The following EIF2B3 variants were observed in gnomAD, a reference collection of about 807,000 sequenced individuals.
The protein encoded by EIF2B3 is eukaryotic translation initiation factor 2B subunit gamma, also known as translation initiation factor eIF2B subunit gamma.
A neutral mutation model predicts 54.1 loss-of-function variants in EIF2B3; 20 were observed. The ratio of observed to expected loss-of-function variants is 0.37; its 90% confidence interval spans 0.26 to 0.54. The LOEUF (loss-of-function observed/expected upper bound fraction) is 0.54, where lower values mean the gene tolerates loss of function less well. EIF2B3 is among the 20% of genes least tolerant of loss of function. The pLI is 0.86. For synonymous variants in EIF2B3, 153 were observed against 188.1 expected (o/e 0.81, Z 1.52); for missense variants, 448 against 547.8 (o/e 0.82, Z 1.82).
intron 3 of EIF2B3, among the ~76,000 whole-genome samples, chr1:44,945,074 T>C (rs1644081938): frequency 6.6e-6 from 1 of 152,132 alleles, no homozygotes; most frequent in African/African-American, 2.4e-5. Context: ...TGCCTGAAAT[T>C]TCTTATTCTG....
At chr1:44,951,693 C>T (rs1644161823) in intron 3 of EIF2B3, among the ~76,000 whole-genome samples, 1 of 152,118 alleles carries the variant, frequency 6.6e-6, no homozygotes, top group African/African-American at 2.4e-5. Context: ...TTCACACTGT[C>T]CAGCAATACA....
chr1:44,884,137 C>A (rs1278323165), intron 6 of EIF2B3, among the ~76,000 whole-genome samples: 1 of 152,190 alleles, frequency 6.6e-6, no homozygotes, highest in East Asian at 1.9e-4. Context: ...CCGCACCTGG[C>A]TGCCAGTGGT....
At chr1:44,911,975 C>A (rs957098089) in intron 5 of EIF2B3, among the ~76,000 whole-genome samples, 10 of 149,544 alleles carry the variant, frequency 6.7e-5, no homozygotes, top group Non-Finnish European at 1.3e-4. Flanking sequence ...TTTGTTCTTG[C>A]GATAGTTTAC....
rs139460206 is a variant in EIF2B3 at position 44,977,132 on chromosome 1, C to T, written c.294+1183G>A. On this transcript the variant is annotated intron_variant, in intron 3 of 11. Coordinates refer to ENST00000360403, the MANE Select transcript of EIF2B3 (RefSeq NM_020365.5). ...GAAATAACAGAAGAAAGTTTGTCTC[C>T]CATTTCAAGTAATATGGCAACATCA... 3.0e-3 allele frequency among the ~76,000 whole-genome samples: 454 copies of T among 152,282 alleles called. 3 individuals carry two copies. Among genetic ancestry groups the T allele is most frequent in the African/African-American group, 0.01 (436 of 41,570 alleles).
chr1:44,875,170 C>T (rs1421600710), intron 9 of EIF2B3, among the ~76,000 whole-genome samples: 1 of 151,990 alleles, frequency 6.6e-6, no homozygotes, highest in Non-Finnish European at 1.5e-5. Context: ...CCAGCCTGGG[C>T]AACAGAGTGA....
intron 1 of EIF2B3, 87 bp from the exon 2 acceptor site, chr1:44,981,264 G>C: frequency 7.3e-7 from 1 of 1,377,280 alleles, no homozygotes; most frequent in Non-Finnish European, 1.0e-6. Context: ...TTTTATTTAG[G>C]TTACTGATAC....
chr1:44,910,086 C>G (rs971698092), intron 5 of EIF2B3, among the ~76,000 whole-genome samples: 1 of 152,128 alleles, frequency 6.6e-6, no homozygotes, highest in African/African-American at 2.4e-5. Flanking sequence ...AGCTTGACAA[C>G]TATTCAAAAG....
intron 10 of EIF2B3, among the ~76,000 whole-genome samples, chr1:44,868,779 G>GC (rs1654868093): frequency 6.6e-6 from 1 of 152,220 alleles, no homozygotes; most frequent in South Asian, 2.1e-4. Context: ...ATGGATGAAG[G>GC]CAAGTGTAGT....
At position 44,881,754 on chromosome 1, in the gene EIF2B3, T is replaced by C. The variant is rs767980083; in HGVS notation, c.657-15A>G. On this transcript the variant is annotated splice_polypyrimidine_tract_variant and intron_variant, in intron 6 of 11. Coordinates refer to ENST00000360403, the MANE Select transcript of EIF2B3 (RefSeq NM_020365.5). The surrounding 1 kb of genome is among the most constrained non-coding windows in gnomAD (Gnocchi z 4.0). ...AAGTTATTGACCTAGAAAGAAAGAATGGCCAAATATGAGAAACCTGACTGT... is the reference window on the plus strand; with the variant it reads ...AAGTTATTGACCTAGAAAGAAAGAACGGCCAAATATGAGAAACCTGACTGT... The C allele has an allele frequency of 6.2e-7, 1 of 1,613,824 alleles. No individual in the cohort carries two copies. Among genetic ancestry groups the C allele is most frequent in the Non-Finnish European group, 8.5e-7 (1 of 1,179,820 alleles).
chr1:44,951,954 A>ATTTTTTTTTTT lies in EIF2B3; in HGVS notation c.295-10300_295-10290dup, dbSNP rs1171020644. On this transcript the variant is annotated intron_variant, in intron 3 of 11. Coordinates refer to ENST00000360403, the MANE Select transcript of EIF2B3 (RefSeq NM_020365.5). ...AGGGGCGCACCACCATGCCTGGCTA[A>ATTTTTTTTTTT]TTTTTTTTTTTTTTTTTTTTTTTTT... Among the ~76,000 whole-genome samples the ATTTTTTTTTTT allele has an allele frequency of 3.9e-3, 175 of 44,646 alleles. 25 individuals are homozygous for ATTTTTTTTTTT. The highest frequency in any genetic ancestry group is 0.017 in the African/African-American group (126 of 7,332). 29.3% of individuals were successfully genotyped at this position (44,646 alleles called of 152,430 possible). A position where few individuals can be genotyped will look rare whatever the true frequency, so the allele number is the denominator to read the frequency against.
rs76048989 is a variant in EIF2B3 at position 44,863,753 on chromosome 1, T to C, written c.1203-5946A>G. On this transcript the variant is annotated intron_variant, in intron 10 of 11. Transcript: ENST00000360403. ...GTATTTTTACTACATTTATTAAACA[T>C]ACAATATTTTTAATGTTTTAGAATT... 4.1e-4 allele frequency among the ~76,000 whole-genome samples: 62 copies of C among 152,340 alleles called. No individual in the cohort carries two copies. In the East Asian group the frequency reaches 0.01, roughly 25 times the overall value.
intron 10 of EIF2B3, among the ~76,000 whole-genome samples, chr1:44,865,606 A>G (rs556664657): frequency 1.4e-5 from 2 of 145,514 alleles, no homozygotes; most frequent in African/African-American, 5.1e-5. Context: ...TCCAAGATGG[A>G]GTTTTGCTCT....
rs12753406 is a variant in EIF2B3, at chr1:44,965,506, C to T, written c.294+12809G>A. Among the ~76,000 whole-genome samples the T allele has an allele frequency of 2.1e-3, 319 of 152,034 alleles. 1 individual carries two copies. The highest frequency in any genetic ancestry group is 2.3e-3 in the Admixed American group (35 of 15,268). ...AGAGTTAGAGTGATTATAAAGACTA[C>T]TAATGCTTAGTGGAGGCAACTAATA... On this transcript the variant is annotated intron_variant, in intron 3 of 11. Coordinates refer to ENST00000360403, the MANE Select transcript of EIF2B3 (RefSeq NM_020365.5).
intron 5 of EIF2B3, among the ~76,000 whole-genome samples, chr1:44,922,880 C>T (rs1171544494): frequency 9.5e-5 from 7 of 73,778 alleles, no homozygotes; most frequent in African/African-American, 3.8e-4. Flanking sequence ...GAGTCTTGCT[C>T]TGTTGCCCAG....
intron 1 of EIF2B3, among the ~76,000 whole-genome samples, chr1:44,986,140 T>TTG (rs760895452): frequency 9.4e-6 from 1 of 106,324 alleles, no homozygotes; most frequent in Non-Finnish European, 2.2e-5. Context: ...TTTCTTTTCT[T>TTG]TTTTTTTTTT....
At chr1:44,962,819 T>G (rs1322182226) in intron 3 of EIF2B3, among the ~76,000 whole-genome samples, 1 of 152,198 alleles carries the variant, frequency 6.6e-6, no homozygotes, top group Non-Finnish European at 1.5e-5. Context: ...CAACAAATAA[T>G]ATTGGACAAA....
At chr1:44,960,475 T>C (rs1644273080) in intron 3 of EIF2B3, among the ~76,000 whole-genome samples, 1 of 151,988 alleles carries the variant, frequency 6.6e-6, no homozygotes, top group African/African-American at 2.4e-5. Context: ...CCGTCTCTAC[T>C]AAAGATACAA....
chr1:44,932,756 A>ATGTTTTGTTTTGTTTT (rs1643908765), intron 4 of EIF2B3, among the ~76,000 whole-genome samples: 1 of 152,172 alleles, frequency 6.6e-6, no homozygotes, highest in Non-Finnish European at 1.5e-5. Context: ...AAAACAAAAC[A>ATGTTTTGTTTTGTTTT]AAACAAAAAA....
chr1:44,914,182 C>T (rs1490317101), intron 5 of EIF2B3, among the ~76,000 whole-genome samples: 59 of 132,842 alleles, frequency 4.4e-4, no homozygotes, highest in Non-Finnish European at 6.5e-4. Flanking sequence ...TTTTTTGAGG[C>T]AGAGTTCCAC....
Sources: allele counts gnomAD v4.1 joint callset (sites outside exome capture counted in the v4.1 genomes callset), GRCh38; gene constraint gnomAD v4.1.1; non-coding constraint Gnocchi (gnomAD v3.1); transcripts MANE v1.5; gene names NCBI Gene and HGNC (gene_info 2026-07-23, HGNC 2026-07-21).